HTR4: variants seen among roughly 807,000 people sequenced by gnomAD.
HTR4 encodes 5-hydroxytryptamine (serotonin) receptor 4, G protein-coupled.
In HTR4, 16 loss-of-function variants were observed where a neutral mutation model predicts 36.8. The observed-to-expected ratio is 0.43, with a 90% confidence interval of 0.29 to 0.66. HTR4 has a LOEUF of 0.66. HTR4 is among the 30% of genes least tolerant of loss of function. The probability of loss-of-function intolerance (pLI) is 0.13; values close to 1 mark genes in which losing one functional copy is unlikely to be tolerated. For synonymous variants in HTR4, 189 were observed against 185.1 expected, an observed-to-expected ratio of 1.02 and a Z score of -0.17; for missense variants, 438 against 490.9, an observed-to-expected ratio of 0.89 and a Z score of 1.02.
At chr5:148,465,627 A>G (rs1293602040) in intron 5 of HTR4, among the ~76,000 whole-genome samples, 1 of 152,192 alleles carries the variant, frequency 6.6e-6, no homozygotes, top group Non-Finnish European at 1.5e-5. Context: ...TGCTCCCAGA[A>G]CAGGGAAGAA....
chr5:148,615,071 C>T (rs1365630790), intron 2 of HTR4, among the ~76,000 whole-genome samples: 1 of 151,620 alleles, frequency 6.6e-6, no homozygotes, highest in Non-Finnish European at 1.5e-5. Context: ...AACACTTTTA[C>T]ACTGTTGGTG....
chr5:148,515,785 G>T (rs1254359590), intron 5 of HTR4, among the ~76,000 whole-genome samples: 1 of 151,746 alleles, frequency 6.6e-6, no homozygotes, highest in Non-Finnish European at 1.5e-5. Context: ...GAATTTTCTA[G>T]ATATAGTTTT....
In HTR4 at chr5:148,483,220, G is replaced by A. The variant is rs932951154; in HGVS notation, c.1150C>T (p.Gln384Ter). 1.2e-6 allele frequency: 2 copies of A among 1,614,016 alleles called. No homozygotes were observed. The highest frequency in any genetic ancestry group is 8.5e-7 in the Non-Finnish European group (1 of 1,179,932). Residue 384 changes from glutamine to a stop codon, truncating the protein, a stop_gained, in exon 7 of 7, where the codon CAG becomes TAG. Coordinates refer to ENST00000377888, the MANE Select transcript of HTR4 (RefSeq NM_000870.7). LOFTEE classifies it high-confidence loss of function. Reference sequence around the variant, plus strand: ...CCAGGGGCCTAAGTGTCACTGGGCTGAGCAGCCACCAAAGGAGAAGTTGCT... The same window carrying A: ...CCAGGGGCCTAAGTGTCACTGGGCTAAGCAGCCACCAAAGGAGAAGTTGCT... The part of the protein sequence containing the change: ...PPATSPLVAA[Q>*]PSDT
At chr5:148,476,499 A>C, downstream of HTR4, 1 of 1,156,494 alleles carries the variant, frequency 8.6e-7, no homozygotes. Flanking sequence ...GTTTTCTCTT[A>C]TCAGAAGGCT....
At chr5:148,535,154 G>A (rs376856550) in intron 4 of HTR4, among the ~76,000 whole-genome samples, 14 of 152,078 alleles carry the variant, frequency 9.2e-5, no homozygotes, top group Non-Finnish European at 1.9e-4. Flanking sequence ...TGAAACCAAA[G>A]ACAAGAAGTC....
intron 5 of HTR4, chr5:148,451,283 A>G (rs771539821): frequency 1.2e-6 from 2 of 1,613,624 alleles, no homozygotes. Context: ...CTAGAAAGGA[A>G]GGAAAGAAGG....
At chr5:148,460,697 A>G (rs537243771) in intron 5 of HTR4, among the ~76,000 whole-genome samples, 1 of 152,300 alleles carries the variant, frequency 6.6e-6, no homozygotes, top group Non-Finnish European at 1.5e-5. Flanking sequence ...TCAGTTTTAC[A>G]TAGAAAAAGG....
intron 1 of HTR4, among the ~76,000 whole-genome samples, chr5:148,639,874 A>T (rs1753670494): frequency 6.6e-6 from 1 of 152,006 alleles, no homozygotes. Flanking sequence ...GAGGAAGGGG[A>T]CCATCTCAGA....
At chr5:148,491,779 T>C (rs538073677) in intron 6 of HTR4, among the ~76,000 whole-genome samples, 1 of 152,286 alleles carries the variant, frequency 6.6e-6, no homozygotes, top group Non-Finnish European at 1.5e-5. Context: ...CCTCATTTTA[T>C]TGGTGTTGGG....
In HTR4 at chr5:148,483,071, C is replaced by T. The variant is rs1755965284; in HGVS notation, c.*132G>A. On this transcript the variant is annotated 3_prime_UTR_variant, in exon 7 of 7. Coordinates refer to ENST00000377888, the MANE Select transcript of HTR4 (RefSeq NM_000870.7). ...TCTCAGAGGAAAAGCCCAGCGAGCA[C>T]CGGGTTCCTGCACTGGCGGACGGAA... is the stretch of plus-strand genomic sequence containing the variant. 1.3e-6 allele frequency: 2 copies of T among 1,492,768 alleles called. No homozygotes were observed. Among genetic ancestry groups the T allele is most frequent in the Admixed American group, 4.5e-5 (2 of 44,562 alleles). 92.5% of individuals were successfully genotyped at this position (1,492,768 alleles called of 1,614,324 possible). A position where few individuals can be genotyped will look rare whatever the true frequency, so the allele number is the denominator to read the frequency against.
intron 1 of HTR4, among the ~76,000 whole-genome samples, chr5:148,651,807 A>G (rs908351430): frequency 6.6e-6 from 1 of 152,212 alleles, no homozygotes; most frequent in Non-Finnish European, 1.5e-5. Flanking sequence ...TTTCATATCA[A>G]CAAATTGATC....
intron 5 of HTR4, among the ~76,000 whole-genome samples, chr5:148,461,498 C>G (rs1219038531): frequency 6.6e-6 from 1 of 151,740 alleles, no homozygotes; most frequent in Non-Finnish European, 1.5e-5. Flanking sequence ...CACTTCAGAG[C>G]AAGAAAAGTT....
intron 6 of HTR4, among the ~76,000 whole-genome samples, chr5:148,502,391 T>C (rs1756977355): frequency 6.6e-6 from 1 of 152,252 alleles, no homozygotes; most frequent in Admixed American, 6.5e-5. Context: ...TAACAGGTTC[T>C]GGAGTGTTAA....
intron 2 of HTR4, among the ~76,000 whole-genome samples, chr5:148,623,212 C>T (rs1322892104): frequency 6.6e-6 from 1 of 152,082 alleles, no homozygotes; most frequent in African/African-American, 2.4e-5. Context: ...ACCACAATTA[C>T]CTGCTTGGAA....
chr5:148,465,124 T>A (rs1182919746), intron 5 of HTR4, among the ~76,000 whole-genome samples: 1 of 152,028 alleles, frequency 6.6e-6, no homozygotes, highest in Non-Finnish European at 1.5e-5. Flanking sequence ...TTTAGGGCAA[T>A]AAAATTATTC....
chr5:148,514,634 T>G (rs1261267188), intron 5 of HTR4, among the ~76,000 whole-genome samples: 1 of 152,158 alleles, frequency 6.6e-6, no homozygotes, highest in African/African-American at 2.4e-5. Flanking sequence ...TACACATGCA[T>G]GAAGATATGA....
At chr5:148,632,481 A>T (rs1465898615) in intron 2 of HTR4, among the ~76,000 whole-genome samples, 1 of 152,150 alleles carries the variant, frequency 6.6e-6, no homozygotes, top group African/African-American at 2.4e-5. Context: ...AAGCAAGAGG[A>T]TAGAGAGCTC....
intron 6 of HTR4, among the ~76,000 whole-genome samples, chr5:148,503,731 C>T (rs11949553): frequency 0.49 from 74,670 of 151,900 alleles, 19,192 homozygotes; most frequent in African/African-American, 0.65. Flanking sequence ...CATCAGTGTG[C>T]GGTGTTCAGG....
At chr5:148,511,902 C>A (rs1328666301) in intron 5 of HTR4, among the ~76,000 whole-genome samples, 1 of 151,990 alleles carries the variant, frequency 6.6e-6, no homozygotes, top group Non-Finnish European at 1.5e-5. Context: ...GTAAAATACT[C>A]CATGTGTTTT....
Sources: gnomAD v4.1 joint callset for allele counts (sites outside exome capture counted in the v4.1 genomes callset) on GRCh38, gnomAD v4.1.1 for gene constraint, MANE v1.5 for transcripts, NCBI Gene and HGNC (gene_info 2026-07-23, HGNC 2026-07-21) for gene names.